CCSER1: variants seen among roughly 807,000 people sequenced by gnomAD.
The protein encoded by CCSER1 is coiled-coil serine rich protein 1.
In CCSER1, 41 loss-of-function variants were observed where a neutral mutation model predicts 82.0. The observed-to-expected ratio is 0.50, with a 90% CI of 0.39 to 0.65. The LOEUF is 0.65. CCSER1 is among the 30% of genes least tolerant of loss of function. The pLI, the probability that CCSER1 is intolerant of heterozygous loss-of-function variation, is 0.00. For missense variants in CCSER1, 1,119 were observed against 1,064.2 expected, an observed-to-expected ratio of 1.05 and a Z score of -0.72; for synonymous variants, 414 against 383.9, an observed-to-expected ratio of 1.08 and a Z score of -0.92.
At chr4:90,432,578 CCTCT>C (rs765341610) in intron 4 of CCSER1, among the ~76,000 whole-genome samples, 18 of 150,884 alleles carry the variant, frequency 1.2e-4, no homozygotes, top group Admixed American at 3.3e-4. Flanking sequence ...TTCCTTCTTT[CCTCT>C]CTCTCTCTCT....
chr4:90,483,273 C>A (rs1275114717), intron 5 of CCSER1, among the ~76,000 whole-genome samples: 1 of 152,180 alleles, frequency 6.6e-6, no homozygotes, highest in Admixed American at 6.5e-5. Context: ...TGTCTCTGCA[C>A]ATGAGATGGG....
At chr4:91,339,787 A>G (rs950108274) in intron 10 of CCSER1, among the ~76,000 whole-genome samples, 1 of 152,032 alleles carries the variant, frequency 6.6e-6, no homozygotes, top group Non-Finnish European at 1.5e-5. Context: ...AACCCTATGT[A>G]TACTATTTTT....
chr4:90,208,046 C>T (rs995443111), intron 1 of CCSER1, among the ~76,000 whole-genome samples: 2 of 152,268 alleles, frequency 1.3e-5, no homozygotes, highest in African/African-American at 4.8e-5. Flanking sequence ...ATCTGCTGCT[C>T]TCTTCAGAGG....
At chr4:91,359,456 T>A (rs1346289589) in intron 10 of CCSER1, among the ~76,000 whole-genome samples, 1 of 151,872 alleles carries the variant, frequency 6.6e-6, no homozygotes, top group East Asian at 1.9e-4. Flanking sequence ...TGGAAAACAG[T>A]GACTGATAAA....
chr4:90,265,600 C>T (rs913642368), intron 1 of CCSER1, among the ~76,000 whole-genome samples: 4 of 151,894 alleles, frequency 2.6e-5, no homozygotes, highest in Non-Finnish European at 5.9e-5. Context: ...ATATTCTATA[C>T]TATTAAGTTA....
rs548593692 is a variant in CCSER1 at position 91,085,995 on chromosome 4, G to T, written c.2217+1G>T. The T allele has an allele frequency of 1.3e-6, 2 of 1,508,584 alleles. No individual in the cohort carries two copies. The highest frequency in any genetic ancestry group is 1.4e-5 in the African/African-American group (1 of 72,092). 93.4% of individuals were successfully genotyped at this position (1,508,584 alleles called of 1,614,324 possible). A position where few individuals can be genotyped will look rare whatever the true frequency, so the allele number is the denominator to read the frequency against. Reference sequence around the variant, plus strand: ...AGAGACAGTACAAGGAGGGAGAGAGGTAAGAATGTTTAAAGAAGAGGGGTG... The same window carrying T: ...AGAGACAGTACAAGGAGGGAGAGAGTTAAGAATGTTTAAAGAAGAGGGGTG... On this transcript the variant is annotated splice_donor_variant, in intron 10 of 10. Coordinates refer to ENST00000509176, the MANE Select transcript of CCSER1 (RefSeq NM_001145065.2). LOFTEE classifies it high-confidence loss of function.
chr4:91,410,775 T>C (rs1044523952), intron 10 of CCSER1, among the ~76,000 whole-genome samples: 1 of 152,152 alleles, frequency 6.6e-6, no homozygotes, highest in African/African-American at 2.4e-5. Flanking sequence ...AATGTCAATT[T>C]AGGAATTATT....
intron 5 of CCSER1, among the ~76,000 whole-genome samples, chr4:90,592,612 G>A (rs186072911): frequency 3.3e-5 from 5 of 152,168 alleles, no homozygotes; most frequent in African/African-American, 4.8e-5. Context: ...CTTACGCACA[G>A]CCTACTTCTT....
intron 5 of CCSER1, among the ~76,000 whole-genome samples, chr4:90,606,847 C>T (rs17017270): frequency 0.011 from 1,713 of 152,190 alleles, 22 homozygotes; most frequent in Middle Eastern, 0.02. Context: ...TAAACTAGGT[C>T]CATAATGTAT....
At chr4:90,407,535 G>C (rs1014568725) in intron 4 of CCSER1, among the ~76,000 whole-genome samples, 8 of 151,964 alleles carry the variant, frequency 5.3e-5, no homozygotes, top group African/African-American at 1.9e-4. Flanking sequence ...CCAAAACCAG[G>C]GAAAGACATA....
intron 5 of CCSER1, among the ~76,000 whole-genome samples, chr4:90,473,201 T>C (rs1483285585): frequency 3.3e-5 from 5 of 152,226 alleles, no homozygotes; most frequent in Admixed American, 1.3e-4. Flanking sequence ...CTTTGGATTA[T>C]ATTTTGTATT....
intron 3 of CCSER1, among the ~76,000 whole-genome samples, chr4:90,368,513 G>T (rs982607875): frequency 2.5e-4 from 38 of 151,688 alleles, no homozygotes; most frequent in African/African-American, 9.2e-4. Flanking sequence ...TGCACCTGTA[G>T]TCTTAGCTCC....
In CCSER1 at chr4:90,388,413, G is replaced by A. The variant is rs548651946; in HGVS notation, c.1510-11623G>A. ...CAACCTTTGCCCGCTGGGTTCAAGC[G>A]ATTCTCCTGCCTCAGCCTCCTGAGT... On this transcript the variant is annotated intron_variant, in intron 3 of 10. Coordinates refer to ENST00000509176, the MANE Select transcript of CCSER1 (RefSeq NM_001145065.2). Among the ~76,000 whole-genome samples the A allele has an allele frequency of 2.0e-5, 3 of 152,074 alleles. No individual in the cohort carries two copies. The South Asian group carries it at 6.2e-4, about 32-fold the overall frequency.
At chr4:90,313,134 AC>A (rs1482629232) in intron 3 of CCSER1, 87 bp downstream of exon 3, 35 of 1,053,156 alleles carry the variant, frequency 3.3e-5, no homozygotes, top group Non-Finnish European at 4.8e-5. Context: ...AACACAGACT[AC>A]AGGATAGACA....
chr4:90,576,866 A>G (rs1356275244), intron 5 of CCSER1, among the ~76,000 whole-genome samples: 1 of 152,122 alleles, frequency 6.6e-6, no homozygotes, highest in African/African-American at 2.4e-5. Flanking sequence ...CTAGGTTTTC[A>G]ACTTTGGGGT....
chr4:91,581,175 G>A (rs978835557), intron 10 of CCSER1, among the ~76,000 whole-genome samples: 1 of 151,728 alleles, frequency 6.6e-6, no homozygotes, highest in African/African-American at 2.4e-5. Context: ...TTAGTAAGTA[G>A]AGAGTAAAAG....
intron 5 of CCSER1, among the ~76,000 whole-genome samples, chr4:90,503,565 C>T (rs954476453): frequency 6.6e-6 from 1 of 152,090 alleles, no homozygotes; most frequent in Non-Finnish European, 1.5e-5. Flanking sequence ...CTCCCCACTC[C>T]CTCAACCCCA....
intron 10 of CCSER1, among the ~76,000 whole-genome samples, chr4:91,397,114 T>A (rs909532286): frequency 6.6e-6 from 1 of 152,096 alleles, no homozygotes; most frequent in Non-Finnish European, 1.5e-5. Flanking sequence ...TTGCTAAATA[T>A]TTCTTGAAAT....
chr4:90,670,995 T>C (rs1732688940), intron 6 of CCSER1, among the ~76,000 whole-genome samples: 1 of 152,070 alleles, frequency 6.6e-6, no homozygotes, highest in African/African-American at 2.4e-5. Context: ...ATTATGTTTA[T>C]AGTATGCTGC....
Sources: allele counts gnomAD v4.1 joint callset (sites outside exome capture counted in the v4.1 genomes callset), GRCh38; gene constraint gnomAD v4.1.1; transcripts MANE v1.5; gene names NCBI Gene and HGNC (gene_info 2026-07-23, HGNC 2026-07-21).